The following BPNT1 variants were observed in gnomAD, a reference collection of about 807,000 sequenced individuals.
The protein encoded by BPNT1 is 3'(2'), 5'-bisphosphate nucleotidase 1, also known as 3'(2'),5'-bisphosphate nucleotidase 1.
In BPNT1, 28 loss-of-function variants were observed where a neutral mutation model predicts 36.9. The observed-to-expected ratio is 0.76, with a 90% CI of 0.56 to 1.04. BPNT1 has a LOEUF of 1.04. Ranked by LOEUF, BPNT1 falls within the 50% of genes least tolerant of loss-of-function variation. BPNT1 has a pLI of 0.00. For synonymous variants in BPNT1, 119 were observed against 130.9 expected (o/e 0.91, Z 0.62); for missense variants, 313 against 372.9 (o/e 0.84, Z 1.32).
intron 6 of BPNT1, chr1:220,066,062 A>G: frequency 6.6e-7 from 1 of 1,514,192 alleles, no homozygotes; most frequent in Non-Finnish European, 8.8e-7. Flanking sequence ...AACCCTAGCT[A>G]TTTTTCTCAC....
chr1:220,087,503 T>A (rs1165605810), intron 1 of BPNT1, among the ~76,000 whole-genome samples: 1 of 151,944 alleles, frequency 6.6e-6, no homozygotes, highest in Non-Finnish European at 1.5e-5. Flanking sequence ...TGCAGTGAGC[T>A]GAGATCATTT....
At chr1:220,061,077 A>G (rs1180555475) in intron 7 of BPNT1, among the ~76,000 whole-genome samples, 1 of 152,144 alleles carries the variant, frequency 6.6e-6, no homozygotes, top group African/African-American at 2.4e-5. Flanking sequence ...TCCTAATCAG[A>G]TTTTAGTTAA....
Position 220,058,756 on chromosome 1 carries a change from T to G in BPNT1, c.*88A>C. ...ATTGCCCAGGCTGGTCTCAAACTCC[T>G]GAGCTCAAGTGATCCACCTGCCTCG... On this transcript the variant is annotated 3_prime_UTR_variant, in exon 9 of 9. Coordinates refer to ENST00000322067, the MANE Select transcript of BPNT1 (RefSeq NM_006085.6). 1 of 1,329,902 alleles carries G rather than the reference T, an allele frequency of 7.5e-7. No individual in the cohort carries two copies. Among genetic ancestry groups the G allele is most frequent in the Non-Finnish European group, 1.1e-6 (1 of 946,198 alleles). 82.4% of individuals were successfully genotyped at this position (1,329,902 alleles called of 1,614,324 possible).
chr1:220,068,093 T>C (rs527836911), intron 5 of BPNT1, among the ~76,000 whole-genome samples: 3 of 152,214 alleles, frequency 2.0e-5, no homozygotes, highest in South Asian at 2.1e-4. Flanking sequence ...CTAGTAATTA[T>C]GATAAATTTT....
intron 1 of BPNT1, among the ~76,000 whole-genome samples, chr1:220,084,058 C>A (rs761687519): frequency 2.2e-4 from 33 of 152,034 alleles, no homozygotes; most frequent in Non-Finnish European, 4.1e-4. Flanking sequence ...TAGGGCGGGG[C>A]GCAGTGGCTC....
intron 1 of BPNT1, among the ~76,000 whole-genome samples, chr1:220,087,898 CAG>C (rs370738366): frequency 6.6e-6 from 1 of 151,792 alleles, no homozygotes; most frequent in Non-Finnish European, 1.5e-5. Flanking sequence ...TTTTTTGAGA[CAG>C]AGTTTTTGCT....
At chr1:220,075,236 G>A (rs556648467) in intron 2 of BPNT1, among the ~76,000 whole-genome samples, 1 of 152,192 alleles carries the variant, frequency 6.6e-6, no homozygotes, top group East Asian at 1.9e-4. Context: ...TAGAGATGGG[G>A]TTTCACCATA....
intron 1 of BPNT1, among the ~76,000 whole-genome samples, chr1:220,081,522 G>A (rs1022353683): frequency 4.0e-5 from 6 of 151,572 alleles, no homozygotes; most frequent in Non-Finnish European, 5.9e-5. Context: ...TAGCCTGGGC[G>A]ATAGAGCGAG....
intron 6 of BPNT1, among the ~76,000 whole-genome samples, chr1:220,066,416 C>T (rs958670367): frequency 2.0e-5 from 3 of 151,992 alleles, no homozygotes; most frequent in Admixed American, 6.6e-5. Context: ...TCCTAAGAAA[C>T]ACGATTCTTA....
intron 4 of BPNT1, 87 bp from the exon 5 acceptor site, chr1:220,069,519 T>G (rs777762394): frequency 3.6e-5 from 37 of 1,018,688 alleles, no homozygotes; most frequent in Non-Finnish European, 5.0e-5. Context: ...ATTACTCTTT[T>G]TTTCCTGTTT....
chr1:220,081,555 G>A (rs866102604), intron 1 of BPNT1, among the ~76,000 whole-genome samples: 1 of 151,510 alleles, frequency 6.6e-6, no homozygotes, highest in Middle Eastern at 3.4e-3. Flanking sequence ...AAAAAAAAAA[G>A]AAAATATGAA....
At chr1:220,061,599 G>C (rs906359581) in intron 7 of BPNT1, among the ~76,000 whole-genome samples, 6 of 152,116 alleles carry the variant, frequency 3.9e-5, no homozygotes, top group African/African-American at 1.2e-4. Context: ...GATAGGCTGT[G>C]AGGAAGGAAG....
At chr1:220,072,006 G>A (rs1408799722) in intron 4 of BPNT1, among the ~76,000 whole-genome samples, 1 of 151,944 alleles carries the variant, frequency 6.6e-6, no homozygotes, top group Admixed American at 6.6e-5. Context: ...TACATCTATG[G>A]CCTGCTGATT....
chr1:220,061,137 T>C (rs570360521), intron 7 of BPNT1, among the ~76,000 whole-genome samples: 1 of 152,292 alleles, frequency 6.6e-6, no homozygotes, highest in East Asian at 1.9e-4. Flanking sequence ...GCTATGTTAA[T>C]AGAGATGCTT....
Position 220,058,951 on chromosome 1 carries a change from T to C in BPNT1, c.820A>G (p.Lys274Glu), listed in dbSNP as rs991587184. The C allele has an allele frequency of 6.2e-7, 1 of 1,613,858 alleles. No individual in the cohort carries two copies. Among genetic ancestry groups the C allele is most frequent in the African/African-American group, 1.3e-5 (1 of 75,054 alleles). The change falls in exon 9 of 9, where the codon AAG (lysine) becomes GAG (glutamate). Residue 274 changes from lysine to glutamate, a missense_variant. By Grantham distance (56) the Lys-to-Glu change is moderately conservative. Transcript: ENST00000322067. ...DIHGNVLQYH[K>E]DVKHMNSAGV... is the part of the protein sequence containing the mutation. ...GCAGAGTTCATATGCTTCACATCCT[T>C]GTGGTACTGAAGAACATTCCCATGG...
intron 2 of BPNT1, among the ~76,000 whole-genome samples, 179 bp from the exon 3 acceptor site, chr1:220,074,250 G>A (rs1408924731): frequency 6.6e-6 from 1 of 152,282 alleles, no homozygotes; most frequent in East Asian, 1.9e-4. Flanking sequence ...TTAATAGTGG[G>A]TAAAGTTTGG....
intron 6 of BPNT1, chr1:220,066,226 C>T (rs1316453234): frequency 1.6e-6 from 1 of 614,522 alleles, no homozygotes; most frequent in Admixed American, 3.6e-5. Context: ...CATTACAATG[C>T]TTTATATGAA....
Position 220,067,331 on chromosome 1 carries a change from C to T in BPNT1, c.445G>A (p.Val149Ile), listed in dbSNP as rs770775242. 2 of 1,609,146 alleles carry T rather than the reference C, an allele frequency of 1.2e-6. No homozygotes were observed. Among genetic ancestry groups the T allele is most frequent in the Non-Finnish European group, 1.7e-6 (2 of 1,176,996 alleles). The change falls in exon 6 of 9, where the codon GTT becomes ATT. Residue 149 changes from valine (V) to isoleucine (I), a missense_variant. Physicochemically the swap from Val to Ile is conservative, Grantham distance 29. Transcript: ENST00000322067. The stretch of plus-strand genomic sequence containing the variant: ...TAGTTGTAATATGGCTGGTTAATAA[C>T]TCCTGCTATGGCTTTTCCTTCATAA... ...IAYEGKAIAG[V>I]INQPYYNYEA...
chr1:220,059,446 T>C (rs900087436), intron 8 of BPNT1, among the ~76,000 whole-genome samples: 2 of 149,314 alleles, frequency 1.3e-5, no homozygotes, highest in Non-Finnish European at 3.0e-5. Flanking sequence ...AAGGGCTAAA[T>C]TAAATTAACT....
Sources: allele counts gnomAD v4.1 joint callset (sites outside exome capture counted in the v4.1 genomes callset), GRCh38; gene constraint gnomAD v4.1.1; transcripts MANE v1.5; gene names NCBI Gene and HGNC (gene_info 2026-07-23, HGNC 2026-07-21).